Variants in CALN1 observed in about 807,000 individuals in gnomAD.
The protein encoded by CALN1 is calcium-binding protein 8.
Under a neutral mutation model 30.6 loss-of-function variants are expected in CALN1, and 17 were observed. The observed-to-expected ratio is 0.56, with a 90% CI of 0.38 to 0.83. CALN1 has a LOEUF of 0.83. Among genes scored for constraint, CALN1 ranks in the 40% least tolerant of loss-of-function variants. The pLI is 0.00. For missense variants in CALN1, 291 were observed against 354.9 expected (o/e 0.82, Z 1.45); for synonymous variants, 156 against 131.4 (o/e 1.19, Z -1.28).
chr7:72,109,878 A>C (rs1319341006), intron 3 of CALN1, among the ~76,000 whole-genome samples: 2 of 129,514 alleles, frequency 1.5e-5, no homozygotes, highest in East Asian at 8.2e-4. Flanking sequence ...CCCCATCTGA[A>C]AAAATGGGTT....
intron 2 of CALN1, among the ~76,000 whole-genome samples, chr7:72,324,084 T>C (rs1295863885): frequency 5.9e-5 from 9 of 152,012 alleles, no homozygotes; most frequent in African/African-American, 2.2e-4. Flanking sequence ...GGTTGGCACA[T>C]CCCTTGGAGA....
Position 71,869,629 on chromosome 7 carries a change from T to C in CALN1, c.502-59137A>G, listed in dbSNP as rs182200652. ...CTAACAGGTAATCAATATTTTTAAATGTGAATTTGAAGTCTAGAGTGGGCA... is the reference window on the plus strand; with the variant it reads ...CTAACAGGTAATCAATATTTTTAAACGTGAATTTGAAGTCTAGAGTGGGCA... On this transcript the variant is annotated intron_variant, in intron 5 of 6. Coordinates refer to ENST00000395275, the MANE Select transcript of CALN1 (RefSeq NM_031468.4). 8.3e-4 allele frequency among the ~76,000 whole-genome samples: 126 copies of C among 152,334 alleles called. 1 individual carries two copies. Among genetic ancestry groups the C allele is most frequent in the African/African-American group, 3.0e-3 (123 of 41,582 alleles).
the CALN1 span, among the ~76,000 whole-genome samples, chr7:72,477,796 G>A: frequency 6.6e-6 from 1 of 152,124 alleles, no homozygotes; most frequent in Admixed American, 6.6e-5. Flanking sequence ...CTAGCCTCAA[G>A]GGATCCTCCT....
chr7:72,107,740 G>A (rs550861484), intron 3 of CALN1, among the ~76,000 whole-genome samples: 2 of 152,140 alleles, frequency 1.3e-5, no homozygotes, highest in Non-Finnish European at 2.9e-5. Flanking sequence ...ACCATGCCAC[G>A]CTAGTTGATA....
intron 4 of CALN1, among the ~76,000 whole-genome samples, chr7:72,073,805 C>T (rs1245555021): frequency 6.6e-6 from 1 of 152,074 alleles, no homozygotes; most frequent in Non-Finnish European, 1.5e-5. Flanking sequence ...GTGATCCTGT[C>T]ACCTCAACCT....
rs189600675 is a variant in CALN1, at chr7:71,797,386, T to C, written c.659-9484A>G. ...CCTTCCAGTTCTGATATTTTATGAT[T>C]CTATGAAATTGGCTATTTATGCACC... On this transcript the variant is annotated intron_variant, in intron 6 of 6. Coordinates refer to ENST00000395275, the MANE Select transcript of CALN1 (RefSeq NM_031468.4). Among the ~76,000 whole-genome samples, 348 of 152,326 alleles carry C rather than the reference T, an allele frequency of 2.3e-3. 4 individuals carry two copies. The highest frequency in any genetic ancestry group is 8.5e-3 in the East Asian group (44 of 5,184).
chr7:72,067,252 T>C (rs1018932145), intron 4 of CALN1, among the ~76,000 whole-genome samples: 1 of 152,094 alleles, frequency 6.6e-6, no homozygotes, highest in Non-Finnish European at 1.5e-5. Context: ...TCTCCATACC[T>C]TTTCTTAGAC....
chr7:71,798,117 CAGAGACAGAGAGAGAG>C (rs1562787950), intron 6 of CALN1, among the ~76,000 whole-genome samples: 682 of 62,128 alleles, frequency 0.011, 3 homozygotes, highest in East Asian at 0.037. Flanking sequence ...GAGACAGAGA[CAGAGACAGAGAGAGAG>C]AGAGAGAGAG....
intron 4 of CALN1, among the ~76,000 whole-genome samples, chr7:72,032,259 C>T (rs576040795): frequency 7.9e-5 from 12 of 151,960 alleles, no homozygotes; most frequent in East Asian, 7.8e-4. Context: ...GGGGTTTCAT[C>T]GTGGTCTCGA....
Position 71,891,517 on chromosome 7 carries a change from G to A in CALN1, c.502-81025C>T, listed in dbSNP as rs1002312598. ...ACCTCTGCCACGGCTGTTGTCTTTC[G>A]GGAAGCTACTTAGCTTTTTGGTGCC... is the stretch of plus-strand genomic sequence containing the variant. On this transcript the variant is annotated intron_variant, in intron 5 of 6. Transcript: ENST00000395275. Among the ~76,000 whole-genome samples, 9 of 152,150 alleles carry A rather than the reference G, an allele frequency of 5.9e-5. No individual in the cohort carries two copies. The East Asian group carries it at 9.6e-4, about 16-fold the overall frequency.
intron 2 of CALN1, among the ~76,000 whole-genome samples, chr7:72,280,650 G>A (rs1405308140): frequency 6.6e-6 from 1 of 152,152 alleles, no homozygotes; most frequent in Non-Finnish European, 1.5e-5. Context: ...GGGACTGTGT[G>A]TCATGGTCAT....
At chr7:72,444,820 A>G (rs968601171) in intron 1 of CALN1, among the ~76,000 whole-genome samples, 8 of 152,154 alleles carry the variant, frequency 5.3e-5, no homozygotes, top group Admixed American at 4.6e-4. Context: ...CGCCCGCCCA[A>G]TGAGATTAAT....
intron 3 of CALN1, among the ~76,000 whole-genome samples, chr7:72,133,907 A>C (rs1809330939): frequency 6.6e-6 from 1 of 152,246 alleles, no homozygotes; most frequent in African/African-American, 2.4e-5. Flanking sequence ...AAAATATCCA[A>C]GTGGTGAAAG....
In CALN1 at chr7:71,854,383, A is replaced by C. The variant is rs561793484; in HGVS notation, c.502-43891T>G. On this transcript the variant is annotated intron_variant, in intron 5 of 6. Coordinates refer to ENST00000395275, the MANE Select transcript of CALN1 (RefSeq NM_031468.4). ...AGACAGACAGACAGACAGAGAAAGA[A>C]AGAAAGAAAGAAGGAAAGAAAAAAA... 4.8e-4 allele frequency among the ~76,000 whole-genome samples: 73 copies of C among 152,220 alleles called. 1 individual carries two copies. The South Asian group carries it at 0.013, about 28-fold the overall frequency.
At chr7:72,325,235 C>A (rs1252700091) in intron 2 of CALN1, among the ~76,000 whole-genome samples, 2 of 152,248 alleles carry the variant, frequency 1.3e-5, no homozygotes, top group East Asian at 3.9e-4. Flanking sequence ...GAAGTTGAGG[C>A]TGCAGTGAGC....
chr7:72,483,280 CTTTTTTTTTT>C, the CALN1 span, among the ~76,000 whole-genome samples: 2 of 100,116 alleles, frequency 2.0e-5, no homozygotes, highest in Non-Finnish European at 4.2e-5. Context: ...TTTTCTTTTT[CTTTTTTTTTT>C]TTTTTTTTTT....
At chr7:72,322,774 A>C (rs1395488087) in intron 2 of CALN1, among the ~76,000 whole-genome samples, 1 of 152,064 alleles carries the variant, frequency 6.6e-6, no homozygotes, top group African/African-American at 2.4e-5. Flanking sequence ...ACTATAGTCA[A>C]AAATAATTTA....
At chr7:72,291,882 G>A (rs2129554931) in intron 2 of CALN1, among the ~76,000 whole-genome samples, 1 of 152,096 alleles carries the variant, frequency 6.6e-6, no homozygotes, top group Middle Eastern at 3.4e-3. Flanking sequence ...AAAGTACTGG[G>A]ATTACAGACA....
rs1018138428 is a variant in CALN1, at chr7:71,780,360, C to G, written c.*7415G>C. 12 of 152,178 alleles carry G rather than the reference C, an allele frequency of 7.9e-5. No homozygotes were observed. The highest frequency in any genetic ancestry group is 2.4e-4 in the African/African-American group (10 of 41,440). 9.4% of individuals were successfully genotyped at this position (152,178 alleles called of 1,614,324 possible). A position where few individuals can be genotyped will look rare whatever the true frequency, so the allele number is the denominator to read the frequency against. On this transcript the variant is annotated 3_prime_UTR_variant, in exon 7 of 7. Coordinates refer to ENST00000395275, the MANE Select transcript of CALN1 (RefSeq NM_031468.4). ...ACAGGGCTTGTTAGAAAAACAATTA[C>G]TGGGACGTCAGTCTACTTTAGGAAG...
Sources: gnomAD v4.1 joint callset for allele counts (sites outside exome capture counted in the v4.1 genomes callset) on GRCh38, gnomAD v4.1.1 for gene constraint, MANE v1.5 for transcripts, NCBI Gene and HGNC (gene_info 2026-07-23, HGNC 2026-07-21) for gene names.